Variants in KRTAP8-1 observed in about 807,000 individuals in gnomAD.
The protein encoded by KRTAP8-1 is keratin associated protein 8-1, also known as keratin-associated protein 8-1.
A neutral mutation model predicts 5.5 loss-of-function variants in KRTAP8-1; 4 were observed. The observed-to-expected ratio is 0.73, with a 90% CI of 0.36 to 1.67. KRTAP8-1 has a LOEUF of 1.67. Among genes scored for constraint, KRTAP8-1 ranks in the 40% most tolerant of loss-of-function variants. The pLI, the probability that KRTAP8-1 is intolerant of heterozygous loss-of-function variation, is 0.05. For synonymous variants in KRTAP8-1, 35 were observed against 34.6 expected, an observed-to-expected ratio of 1.01 and a Z score of -0.04; for missense variants, 79 against 80.3, an observed-to-expected ratio of 0.98 and a Z score of 0.06.
chr21:30,813,159 T>C lies in KRTAP8-1; in HGVS notation c.62A>G (p.Tyr21Cys), dbSNP rs1984891688. The C allele has an allele frequency of 6.2e-7, 1 of 1,613,864 alleles. No individual in the cohort carries two copies. Among genetic ancestry groups the C allele is most frequent in the Non-Finnish European group, 8.5e-7 (1 of 1,179,828 alleles). The change falls in exon 1 of 1, where the codon TAC (tyrosine) becomes TGC (cysteine). Residue 21 changes from tyrosine (Y) to cysteine (C), a missense_variant. Physicochemically the swap from Tyr to Cys is radical, Grantham distance 194. Transcript: ENST00000329621. Reference protein sequence around the residue: ...FPGCYWGSYGYPLGYSVGCGY... With the variant: ...FPGCYWGSYGCPLGYSVGCGY... ...ACAGCCAACGCTATATCCCAGCGGG[T>C]AGCCATAGCTGCCCCAGTAGCATCC...
In KRTAP8-1 at chr21:30,812,936, G is replaced by T; in HGVS notation, c.*93C>A. 8.2e-7 allele frequency: 1 copy of T among 1,225,616 alleles called. No individual in the cohort carries two copies. Among genetic ancestry groups the T allele is most frequent in the Non-Finnish European group, 1.1e-6 (1 of 877,532 alleles). 75.9% of individuals were successfully genotyped at this position (1,225,616 alleles called of 1,614,324 possible). ...GTGTCTCTGAGGTTGATGAGCAAAT[G>T]AGGACTGAAGGAGTGGATACGGGGG... On this transcript the variant is annotated 3_prime_UTR_variant, in exon 1 of 1. Coordinates refer to ENST00000329621, the MANE Select transcript of KRTAP8-1 (RefSeq NM_175857.4).
rs1300129568 is a variant in KRTAP8-1 at position 30,812,887 on chromosome 21, G to C, written c.*142C>G. 5.6e-6 allele frequency: 4 copies of C among 714,250 alleles called. No individual in the cohort carries two copies. The highest frequency in any genetic ancestry group is 8.6e-6 in the Non-Finnish European group (4 of 465,080). The allele number at this position is 714,250 out of a possible 1,614,324, so 44.2% of individuals were successfully genotyped here. A position where few individuals can be genotyped will look rare whatever the true frequency, so the allele number is the denominator to read the frequency against. On this transcript the variant is annotated 3_prime_UTR_variant, in exon 1 of 1. Transcript: ENST00000329621. ...TCTGCTTTTTCATTTTCCTCCCCTG[G>C]GACTCGAGGTAAGTTGGAAAGCAGT...
At position 30,813,037 on chromosome 21, in the gene KRTAP8-1, G is replaced by A; in HGVS notation, c.184C>T (p.Leu62Phe). Reference sequence around the variant, plus strand: ...TCGGGGATTTCAGCCAATCAGTAGAGAGCAAATGGCGAGTATCTCCTGTAG... The same window carrying A: ...TCGGGGATTTCAGCCAATCAGTAGAAAGCAAATGGCGAGTATCTCCTGTAG... ...FGYRRYSPFA[L>F]Y The change falls in exon 1 of 1, where the codon CTC becomes TTC. Residue 62 changes from leucine (L) to phenylalanine (F), a missense_variant. Physicochemically the swap from Leu to Phe is conservative, Grantham distance 22 (BLOSUM62 0). Transcript: ENST00000329621. The A allele has an allele frequency of 1.2e-6, 2 of 1,613,928 alleles. No individual in the cohort carries two copies. The highest frequency in any genetic ancestry group is 1.7e-6 in the Non-Finnish European group (2 of 1,179,878).
In KRTAP8-1 at chr21:30,812,799, G is replaced by C. The variant is rs896105924; in HGVS notation, c.*230C>G. ...ATTCAAAAGTAGCTCATGACAAGTG[G>C]GAGGTCAAATTTCCGAAAATGTCCC... On this transcript the variant is annotated 3_prime_UTR_variant, in exon 1 of 1. Coordinates refer to ENST00000329621, the MANE Select transcript of KRTAP8-1 (RefSeq NM_175857.4). 2.8e-5 allele frequency: 12 copies of C among 436,032 alleles called. No individual in the cohort carries two copies. Among genetic ancestry groups the C allele is most frequent in the Non-Finnish European group, 4.1e-5 (10 of 243,764 alleles). 27.0% of individuals were successfully genotyped at this position (436,032 alleles called of 1,614,324 possible).
Position 30,812,986 on chromosome 21 carries a change from C to G in KRTAP8-1, c.*43G>C. On this transcript the variant is annotated 3_prime_UTR_variant, in exon 1 of 1. Transcript: ENST00000329621. ...GGAACCTGGAGATGTGGGGCTCAGC[C>G]TTCAAGGGAGAGAAGATGCTACACC... 6.3e-7 allele frequency: 1 copy of G among 1,587,990 alleles called. No individual in the cohort carries two copies. Among genetic ancestry groups the G allele is most frequent in the Non-Finnish European group, 8.6e-7 (1 of 1,165,098 alleles).
Position 30,812,967 on chromosome 21 carries a change from TGGAGA to T in KRTAP8-1, c.*57_*61del. 6.6e-7 allele frequency: 1 copy of T among 1,520,420 alleles called. No individual in the cohort carries two copies. The highest frequency in any genetic ancestry group is 1.2e-5 in the South Asian group (1 of 80,568). The allele number at this position is 1,520,420 out of a possible 1,614,324, so 94.2% of individuals were successfully genotyped here. A position where few individuals can be genotyped will look rare whatever the true frequency, so the allele number is the denominator to read the frequency against. ...TGAAGGAGTGGATACGGGGGGAACCTGGAGATGTGGGGCTCAGCCTTCAAGGGAGA... is the reference window on the plus strand; with the variant it reads ...TGAAGGAGTGGATACGGGGGGAACCTTGTGGGGCTCAGCCTTCAAGGGAGA... On this transcript the variant is annotated 3_prime_UTR_variant, in exon 1 of 1. Coordinates refer to ENST00000329621, the MANE Select transcript of KRTAP8-1 (RefSeq NM_175857.4).
Position 30,812,873 on chromosome 21 carries a change from A to G in KRTAP8-1, c.*156T>C. On this transcript the variant is annotated 3_prime_UTR_variant, in exon 1 of 1. Coordinates refer to ENST00000329621, the MANE Select transcript of KRTAP8-1 (RefSeq NM_175857.4). ...AGCTTGAGGAAGCGTCTGCTTTTTC[A>G]TTTTCCTCCCCTGGGACTCGAGGTA... 1.5e-6 allele frequency: 1 copy of G among 683,390 alleles called. No homozygotes were observed. Among genetic ancestry groups the G allele is most frequent in the East Asian group, 3.0e-5 (1 of 33,866 alleles). The allele number at this position is 683,390 out of a possible 1,614,324, so 42.3% of individuals were successfully genotyped here. A position where few individuals can be genotyped will look rare whatever the true frequency, so the allele number is the denominator to read the frequency against.
chr21:30,812,852 T>G lies in KRTAP8-1; in HGVS notation c.*177A>C, dbSNP rs568114079. ...AGAACATCAGCCAGGGGAGGCAGCT[T>G]GAGGAAGCGTCTGCTTTTTCATTTT... On this transcript the variant is annotated 3_prime_UTR_variant, in exon 1 of 1. Transcript: ENST00000329621. 1 of 558,004 alleles carries G rather than the reference T, an allele frequency of 1.8e-6. No individual in the cohort carries two copies. Among genetic ancestry groups the G allele is most frequent in the East Asian group, 3.1e-5 (1 of 32,142 alleles). The allele number at this position is 558,004 out of a possible 1,614,324, so 34.6% of individuals were successfully genotyped here.
chr21:30,812,998 G>C lies in KRTAP8-1; in HGVS notation c.*31C>G, dbSNP rs540525082. The C allele has an allele frequency of 7.5e-6, 12 of 1,601,302 alleles. No individual in the cohort carries two copies. Among genetic ancestry groups the C allele is most frequent in the Non-Finnish European group, 1.0e-5 (12 of 1,172,838 alleles). On this transcript the variant is annotated 3_prime_UTR_variant, in exon 1 of 1. Transcript: ENST00000329621. ...TGTGGGGCTCAGCCTTCAAGGGAGA[G>C]AAGATGCTACACCTCGGGGATTTCA...
In KRTAP8-1 at chr21:30,812,990, A is replaced by G; in HGVS notation, c.*39T>C. The G allele has an allele frequency of 6.3e-7, 1 of 1,592,520 alleles. No individual in the cohort carries two copies. Among genetic ancestry groups the G allele is most frequent in the Non-Finnish European group, 8.6e-7 (1 of 1,167,526 alleles). ...CCTGGAGATGTGGGGCTCAGCCTTC[A>G]AGGGAGAGAAGATGCTACACCTCGG... is the stretch of plus-strand genomic sequence containing the variant. On this transcript the variant is annotated 3_prime_UTR_variant, in exon 1 of 1. Coordinates refer to ENST00000329621, the MANE Select transcript of KRTAP8-1 (RefSeq NM_175857.4).
In KRTAP8-1 at chr21:30,813,250, A is replaced by T. The variant is rs757009338; in HGVS notation, c.-30T>A. 2 of 1,607,666 alleles carry T rather than the reference A, an allele frequency of 1.2e-6. No homozygotes were observed. Among genetic ancestry groups the T allele is most frequent in the Admixed American group, 3.3e-5 (2 of 59,732 alleles). On this transcript the variant is annotated 5_prime_UTR_variant, in exon 1 of 1. The change creates a new upstream start codon in the 5' untranslated region. Transcript: ENST00000329621. ...TCGGGAGTGGAGGGCTTAGGTAGCA[A>T]CAGAGTGCGTTTCCTCAGTGGGATG...
rs546534616 is a variant in KRTAP8-1 at position 30,813,259 on chromosome 21, G to T, written c.-39C>A. 2 of 1,596,270 alleles carry T rather than the reference G, an allele frequency of 1.3e-6. No individual in the cohort carries two copies. The highest frequency in any genetic ancestry group is 2.2e-5 in the East Asian group (1 of 44,562). On this transcript the variant is annotated 5_prime_UTR_variant, in exon 1 of 1. Transcript: ENST00000329621. ...GAGGGCTTAGGTAGCAACAGAGTGCGTTTCCTCAGTGGGATGGATTCCTAG... is the reference window on the plus strand; with the variant it reads ...GAGGGCTTAGGTAGCAACAGAGTGCTTTTCCTCAGTGGGATGGATTCCTAG...
Position 30,812,978 on chromosome 21 carries a change from G to A in KRTAP8-1, c.*51C>T, listed in dbSNP as rs909663739. On this transcript the variant is annotated 3_prime_UTR_variant, in exon 1 of 1. Coordinates refer to ENST00000329621, the MANE Select transcript of KRTAP8-1 (RefSeq NM_175857.4). Reference sequence around the variant, plus strand: ...ATACGGGGGGAACCTGGAGATGTGGGGCTCAGCCTTCAAGGGAGAGAAGAT... The same window carrying A: ...ATACGGGGGGAACCTGGAGATGTGGAGCTCAGCCTTCAAGGGAGAGAAGAT... 1 of 1,559,982 alleles carries A rather than the reference G, an allele frequency of 6.4e-7. No homozygotes were observed.
Position 30,812,860 on chromosome 21 carries a change from C to T in KRTAP8-1, c.*169G>A, listed in dbSNP as rs1054521962. 3.5e-5 allele frequency: 21 copies of T among 592,160 alleles called. No individual in the cohort carries two copies. Among genetic ancestry groups the T allele is most frequent in the South Asian group, 1.0e-4 (3 of 29,382 alleles). 36.7% of individuals were successfully genotyped at this position (592,160 alleles called of 1,614,324 possible). On this transcript the variant is annotated 3_prime_UTR_variant, in exon 1 of 1. Coordinates refer to ENST00000329621, the MANE Select transcript of KRTAP8-1 (RefSeq NM_175857.4). ...AGCCAGGGGAGGCAGCTTGAGGAAG[C>T]GTCTGCTTTTTCATTTTCCTCCCCT...
rs1306467789 is a variant in KRTAP8-1 at position 30,812,716 on chromosome 21, A to T, written c.*313T>A. 2.9e-5 allele frequency: 6 copies of T among 209,596 alleles called. No individual in the cohort carries two copies. The highest frequency in any genetic ancestry group is 5.6e-5 in the Non-Finnish European group (6 of 106,718). The allele number at this position is 209,596 out of a possible 1,614,324, so 13.0% of individuals were successfully genotyped here. A position where few individuals can be genotyped will look rare whatever the true frequency, so the allele number is the denominator to read the frequency against. ...ATATTATACCAGCTGAGACAAATTTATTGAGATTTTGATAGACATATCCAT... is the reference window on the plus strand; with the variant it reads ...ATATTATACCAGCTGAGACAAATTTTTTGAGATTTTGATAGACATATCCAT... On this transcript the variant is annotated 3_prime_UTR_variant, in exon 1 of 1. Coordinates refer to ENST00000329621, the MANE Select transcript of KRTAP8-1 (RefSeq NM_175857.4).
Position 30,813,059 on chromosome 21 carries a change from G to C in KRTAP8-1, c.162C>G (p.Tyr54Ter), listed in dbSNP as rs770003269. Reference protein sequence around the residue: ...YGYNGCGAFGYRRYSPFALY With the variant: ...YGYNGCGAFG Reference sequence around the variant, plus strand: ...AGAGAGCAAATGGCGAGTATCTCCTGTAGCCGAAAGCCCCACAGCCGTTGT... The same window carrying C: ...AGAGAGCAAATGGCGAGTATCTCCTCTAGCCGAAAGCCCCACAGCCGTTGT... The change falls in exon 1 of 1, where the codon TAC (tyrosine) becomes TAG (stop). Residue 54 changes from tyrosine (Y) to a stop codon, truncating the protein, a stop_gained. Coordinates refer to ENST00000329621, the MANE Select transcript of KRTAP8-1 (RefSeq NM_175857.4). LOFTEE classifies it high-confidence loss of function. The C allele has an allele frequency of 1.2e-6, 2 of 1,614,108 alleles. No individual in the cohort carries two copies. The highest frequency in any genetic ancestry group is 3.3e-5 in the Admixed American group (2 of 60,020).
At position 30,813,095 on chromosome 21, in the gene KRTAP8-1, G is replaced by A. The variant is rs1301281433; in HGVS notation, c.126C>T (p.Phe42=). 2.5e-6 allele frequency: 4 copies of A among 1,613,936 alleles called. No homozygotes were observed. The highest frequency in any genetic ancestry group is 1.1e-5 in the South Asian group (1 of 91,082). ...CCCCACAGCCGTTGTAGCCATAGCCGAAGCCATAGCCCACTGGAGAGTAGG... is the reference window on the plus strand; with the variant it reads ...CCCCACAGCCGTTGTAGCCATAGCCAAAGCCATAGCCCACTGGAGAGTAGG... ...GSTYSPVGYG[F]GYGYNGCGAF... is the part of the protein sequence containing the mutation. The change falls in exon 1 of 1, where the codon TTC becomes TTT. Residue 42 remains phenylalanine (F), a synonymous_variant. Coordinates refer to ENST00000329621, the MANE Select transcript of KRTAP8-1 (RefSeq NM_175857.4).
Position 30,813,047 on chromosome 21 carries a change from C to G in KRTAP8-1, c.174G>C (p.Ser58=). Residue 58 remains serine (S), a synonymous_variant, in exon 1 of 1, where the codon TCG becomes TCC. Transcript: ENST00000329621. ...GCGAFGYRRY[S]PFALY Reference sequence around the variant, plus strand: ...CAGCCAATCAGTAGAGAGCAAATGGCGAGTATCTCCTGTAGCCGAAAGCCC... The same window carrying G: ...CAGCCAATCAGTAGAGAGCAAATGGGGAGTATCTCCTGTAGCCGAAAGCCC... The G allele has an allele frequency of 6.2e-7, 1 of 1,613,796 alleles. No individual in the cohort carries two copies. The highest frequency in any genetic ancestry group is 8.5e-7 in the Non-Finnish European group (1 of 1,179,848).
rs1568945234 is a variant in KRTAP8-1 at position 30,813,248 on chromosome 21, C to CA, written c.-29dup. 5.0e-6 allele frequency: 8 copies of CA among 1,607,304 alleles called. No homozygotes were observed. The South Asian group carries it at 8.9e-5, about 18-fold the overall frequency. Reference sequence around the variant, plus strand: ...TGTCGGGAGTGGAGGGCTTAGGTAGCAACAGAGTGCGTTTCCTCAGTGGGA... The same window carrying CA: ...TGTCGGGAGTGGAGGGCTTAGGTAGCAAACAGAGTGCGTTTCCTCAGTGGGA... On this transcript the variant is annotated 5_prime_UTR_variant, in exon 1 of 1. Transcript: ENST00000329621.
Sources: gnomAD v4.1 joint callset for allele counts on GRCh38, gnomAD v4.1.1 for gene constraint, MANE v1.5 for transcripts, NCBI Gene and HGNC (gene_info 2026-07-23, HGNC 2026-07-21) for gene names.